The following GGNBP2 variants were observed in gnomAD, a reference collection of about 807,000 sequenced individuals.
The protein encoded by GGNBP2 is gametogenetin-binding protein 2.
A neutral mutation model predicts 85.9 loss-of-function variants in GGNBP2; 10 were observed. The observed-to-expected ratio is 0.12, with a 90% confidence interval of 0.07 to 0.20. The LOEUF (loss-of-function observed/expected upper bound fraction) is 0.20, where lower values mean the gene tolerates loss of function less well. Among genes scored for constraint, GGNBP2 ranks in the 10% least tolerant of loss-of-function variants. The pLI is 1.00. For missense variants in GGNBP2, 595 were observed against 857.8 expected, an observed-to-expected ratio of 0.69 and a Z score of 3.83; for synonymous variants, 287 against 285.7, an observed-to-expected ratio of 1.00 and a Z score of -0.05.
chr17:36,575,293 C>T, intron 6 of GGNBP2: 1 of 510,952 alleles, frequency 2.0e-6, no homozygotes, highest in South Asian at 1.9e-5. Flanking sequence ...CAGGCGATCC[C>T]CACCACCGGC....
chr17:36,579,583 C>G (rs2074625392), intron 8 of GGNBP2, among the ~76,000 whole-genome samples, 164 bp downstream of exon 8: 1 of 152,072 alleles, frequency 6.6e-6, no homozygotes, highest in South Asian at 2.1e-4. Flanking sequence ...TGGGGGTGGT[C>G]TAGGGAACTG....
intron 8 of GGNBP2, among the ~76,000 whole-genome samples, chr17:36,580,295 C>G (rs533751587): frequency 1.1e-3 from 171 of 151,162 alleles, no homozygotes; most frequent in African/African-American, 4.1e-3. Context: ...GCAAGCTCCA[C>G]CTCCTGGGTT....
At chr17:36,588,908 T>C (rs993265361) in intron 13 of GGNBP2, among the ~76,000 whole-genome samples, 2 of 152,208 alleles carry the variant, frequency 1.3e-5, no homozygotes, top group East Asian at 1.9e-4. Flanking sequence ...TGGTAACTAG[T>C]TGTAACATCT....
chr17:36,574,013 TA>T (rs151237678), intron 6 of GGNBP2, among the ~76,000 whole-genome samples: 11,187 of 152,280 alleles, frequency 0.073, 603 homozygotes, highest in South Asian at 0.13. Flanking sequence ...TTCTGGCTAT[TA>T]ACCCCTTATT....
intron 4 of GGNBP2, among the ~76,000 whole-genome samples, chr17:36,559,673 G>C (rs1291795957): frequency 6.6e-6 from 1 of 152,154 alleles, no homozygotes; most frequent in Non-Finnish European, 1.5e-5. Context: ...GTGAGGCCTG[G>C]AATGTAAAGG....
chr17:36,545,833 C>A lies in GGNBP2; in HGVS notation c.93+16C>A, dbSNP rs1001358688. 52 of 1,510,524 alleles carry A rather than the reference C, an allele frequency of 3.4e-5. No individual in the cohort carries two copies. The highest frequency in any genetic ancestry group is 3.3e-5 in the Non-Finnish European group (37 of 1,118,196). 93.6% of individuals were successfully genotyped at this position (1,510,524 alleles called of 1,614,324 possible). On this transcript the variant is annotated intron_variant, in intron 2 of 13. Coordinates refer to ENST00000613102, the MANE Select transcript of GGNBP2 (RefSeq NM_024835.5). ...CACCCTGACGGTGAGCGGGCCGGGC[C>A]GGGCTGGGCCCGCCGCTCCCCTGGC...
At position 36,557,317 on chromosome 17, in the gene GGNBP2, A is replaced by G. The variant is rs2074372270; in HGVS notation, c.409A>G (p.Thr137Ala). The G allele has an allele frequency of 6.2e-7, 1 of 1,613,770 alleles. No homozygotes were observed. The highest frequency in any genetic ancestry group is 8.5e-7 in the Non-Finnish European group (1 of 1,179,684). Residue 137 changes from threonine to alanine, a missense_variant, in exon 4 of 14, where the codon ACA (threonine) becomes GCA (alanine). This residue lies in a region of GGNBP2 where 216 missense variants were observed against 293.4 expected (regional missense o/e 0.74). Coordinates refer to ENST00000613102, the MANE Select transcript of GGNBP2 (RefSeq NM_024835.5). The part of the protein sequence containing the change: ...SCMTDAKKLY[T>A]LFYVHGSKLN... The stretch of plus-strand genomic sequence containing the variant: ...CATGACTGATGCAAAGAAGCTTTAT[A>G]CATTATTTTATGTACATGGGTAAGT...
chr17:36,571,214 CTT>C (rs2074520887), intron 6 of GGNBP2, among the ~76,000 whole-genome samples: 1 of 152,122 alleles, frequency 6.6e-6, no homozygotes, highest in Admixed American at 6.6e-5. Context: ...AGGAGGATCA[CTT>C]GAGTTCAGGA....
chr17:36,546,787 A>C (rs918565086), intron 2 of GGNBP2: 1 of 152,204 alleles, frequency 6.6e-6, no homozygotes, highest in African/African-American at 2.4e-5. Flanking sequence ...TCTTCATCTC[A>C]TCAGTATTCT....
intron 4 of GGNBP2, 67 bp from the exon 5 acceptor site, chr17:36,560,706 T>C: frequency 4.3e-6 from 4 of 920,296 alleles, no homozygotes; most frequent in Middle Eastern, 3.3e-4. Context: ...TAAAAGACAG[T>C]AAATAGAGAT....
chr17:36,545,150 G>C (rs566413522), intron 1 of GGNBP2, 53 bp downstream of exon 1: 1 of 153,282 alleles, frequency 6.5e-6, no homozygotes, highest in East Asian at 1.9e-4. Context: ...GAGCCGCTGC[G>C]GGGTCGATCC....
chr17:36,553,144 A>G (rs1370303466), intron 2 of GGNBP2, among the ~76,000 whole-genome samples: 1 of 152,178 alleles, frequency 6.6e-6, no homozygotes, highest in African/African-American at 2.4e-5. Context: ...GTATATATGC[A>G]TTGTAATACA....
intron 4 of GGNBP2, among the ~76,000 whole-genome samples, chr17:36,557,800 A>G (rs999494764): frequency 3.9e-5 from 6 of 152,194 alleles, no homozygotes; most frequent in Non-Finnish European, 7.4e-5. Context: ...TGAAGGGAAC[A>G]GTAATAAAAG....
At chr17:36,578,477 G>T in intron 7 of GGNBP2, 1 of 341,676 alleles carries the variant, frequency 2.9e-6, no homozygotes, top group South Asian at 7.7e-5. Context: ...AAAATGATTA[G>T]AAGGGATTTT....
intron 3 of GGNBP2, 51 bp downstream of exon 3, chr17:36,554,951 A>T: frequency 9.2e-7 from 1 of 1,090,400 alleles, no homozygotes; most frequent in Non-Finnish European, 1.4e-6. Flanking sequence ...TATTTTAAAG[A>T]CTCATTTAAA....
rs1344862626 is a variant in GGNBP2 at position 36,578,032 on chromosome 17, A to G, written c.691A>G (p.Ile231Val). ...NKVLRAYNIL[I>V]GELDCSKEKG... ...AGTCCTCCGAGCATACAATATCCTT[A>G]TTGGTGAACTTGACTGCAGCAAAGA... The change falls in exon 7 of 14, where the codon ATT becomes GTT. Residue 231 changes from isoleucine (I) to valine (V), a missense_variant. By Grantham distance (29) the Ile-to-Val change is conservative. Transcript: ENST00000613102. 1 of 1,614,156 alleles carries G rather than the reference A, an allele frequency of 6.2e-7. No individual in the cohort carries two copies. The highest frequency in any genetic ancestry group is 8.5e-7 in the Non-Finnish European group (1 of 1,180,024).
At chr17:36,577,267 TTTC>T (rs1170114258) in intron 6 of GGNBP2, 1 of 152,192 alleles carries the variant, frequency 6.6e-6, no homozygotes, top group African/African-American at 2.4e-5. Flanking sequence ...TAAAAGAAAT[TTTC>T]TTCCTTCTCT....
intron 10 of GGNBP2, 148 bp from the exon 11 acceptor site, chr17:36,585,692 A>C: frequency 1.4e-6 from 1 of 702,278 alleles, no homozygotes; most frequent in Non-Finnish European, 2.2e-6. Flanking sequence ...TTTACTTTCT[A>C]CTTAAAAAAA....
At chr17:36,580,364 C>T (rs1009995159) in intron 8 of GGNBP2, among the ~76,000 whole-genome samples, 4 of 151,436 alleles carry the variant, frequency 2.6e-5, no homozygotes, top group Non-Finnish European at 5.9e-5. Context: ...CCCGCCACCA[C>T]GCTCGGCTAA....
Sources: gnomAD v4.1 joint callset for allele counts (sites outside exome capture counted in the v4.1 genomes callset) on GRCh38, gnomAD v4.1.1 for gene constraint, gnomAD v4.1.1 regional missense constraint, MANE v1.5 for transcripts, NCBI Gene and HGNC (gene_info 2026-07-23, HGNC 2026-07-21) for gene names.